The following DHDH variants were observed in gnomAD, a reference collection of about 807,000 sequenced individuals.
The protein encoded by DHDH is trans-1,2-dihydrobenzene-1,2-diol dehydrogenase.
Under a neutral mutation model 33.2 loss-of-function variants are expected in DHDH, and 29 were observed. The observed-to-expected ratio is 0.87, with a 90% CI of 0.65 to 1.19. The LOEUF is 1.19. Among genes scored for constraint, DHDH ranks in the 50% most tolerant of loss-of-function variants. The pLI is 0.00. For synonymous variants in DHDH, 201 were observed against 187.9 expected, an observed-to-expected ratio of 1.07 and a Z score of -0.57; for missense variants, 431 against 455.0, an observed-to-expected ratio of 0.95 and a Z score of 0.48.
chr19:48,934,209 G>C (rs1442173243), intron 1 of DHDH, among the ~76,000 whole-genome samples: 4 of 152,200 alleles, frequency 2.6e-5, no homozygotes, highest in Non-Finnish European at 5.9e-5. Context: ...CAGTATGCTT[G>C]GTAAAAGTCA....
chr19:48,940,718 G>A (rs563719012), intron 4 of DHDH, among the ~76,000 whole-genome samples: 66 of 152,242 alleles, frequency 4.3e-4, no homozygotes, highest in Middle Eastern at 3.4e-3. Context: ...TTAGTTGGGC[G>A]TGGTGGTGTG....
upstream of DHDH, chr19:48,933,554 G>A (rs999684765): frequency 1.1e-5 from 7 of 633,114 alleles, no homozygotes; most frequent in Admixed American, 5.4e-5. Context: ...CATTCGCCCA[G>A]CGGGGAAGCT....
At position 48,939,598 on chromosome 19, in the gene DHDH, G is replaced by A. The variant is rs143910604; in HGVS notation, c.516G>A (p.Gly172=). The A allele has an allele frequency of 7.3e-4, 1,180 of 1,614,056 alleles. 18 individuals carry two copies. In the South Asian group the frequency reaches 0.012, roughly 17 times the overall value. The change falls in exon 4 of 7, where the codon GGG becomes GGA. Residue 172 remains glycine (G), a synonymous_variant. Coordinates refer to ENST00000221403, the MANE Select transcript of DHDH (RefSeq NM_014475.4). ...CCGTAGACCGGGCCCAGGCTGGGGG[G>A]GCCCTGCTGGACATCGGCATCTACT... ...PRAVDRAQAG[G]ALLDIGIYCV... is the part of the protein sequence containing the mutation.
chr19:48,935,067 A>T lies in DHDH; in HGVS notation c.158A>T (p.Lys53Met). ...KEFAQKHDIPKAYGSYEELAK... is the reference protein window; with the variant it reads ...KEFAQKHDIPMAYGSYEELAK... ...TTTGCACAGAAACACGACATCCCCA[A>T]GGCCTACGGCTCCTATGAGGAGCTG... Residue 53 changes from lysine (K) to methionine (M), a missense_variant, in exon 2 of 7, where the codon AAG (lysine) becomes ATG (methionine). Physicochemically the swap from Lys to Met is moderately conservative, Grantham distance 95 (BLOSUM62 -1). Coordinates refer to ENST00000221403, the MANE Select transcript of DHDH (RefSeq NM_014475.4). The T allele has an allele frequency of 6.3e-7, 1 of 1,592,516 alleles. No individual in the cohort carries two copies. Among genetic ancestry groups the T allele is most frequent in the Admixed American group, 1.8e-5 (1 of 57,110 alleles).
chr19:48,936,711 C>CAAAAAA (rs201495339), intron 3 of DHDH, among the ~76,000 whole-genome samples: 1 of 87,442 alleles, frequency 1.1e-5, no homozygotes, highest in Non-Finnish European at 2.9e-5. Context: ...AGAAAAAAAA[C>CAAAAAA]AAACAAAAAA....
intron 3 of DHDH, among the ~76,000 whole-genome samples, chr19:48,937,579 G>A (rs1041575962): frequency 1.3e-5 from 2 of 151,546 alleles, no homozygotes; most frequent in Non-Finnish European, 2.9e-5. Context: ...TCGAGAGGCA[G>A]AGGCGGGCGG....
At chr19:48,944,532 C>T (rs376282716) in intron 6 of DHDH, 25 bp downstream of exon 6, 32 of 1,567,262 alleles carry the variant, frequency 2.0e-5, no homozygotes, top group Admixed American at 3.6e-5. Flanking sequence ...GCGGGGCAGG[C>T]GCCAGGCCTG....
At chr19:48,933,615 C>A, upstream of DHDH, 1 of 1,010,688 alleles carries the variant, frequency 9.9e-7, no homozygotes, top group South Asian at 1.3e-5. Flanking sequence ...TCGGCGTAGG[C>A]GCAATACGGG....
intron 3 of DHDH, among the ~76,000 whole-genome samples, chr19:48,937,341 C>T (rs967194089): frequency 2.0e-5 from 3 of 152,086 alleles, no homozygotes; most frequent in African/African-American, 7.2e-5. Flanking sequence ...CCCCGCCCTT[C>T]CCCCGTGAGC....
chr19:48,942,315 C>A, intron 4 of DHDH, 125 bp from the exon 5 acceptor site: 3 of 1,127,122 alleles, frequency 2.7e-6, no homozygotes, highest in Non-Finnish European at 3.6e-6. Context: ...GCACTTCATT[C>A]TTTTGCCTTG....
At chr19:48,941,504 C>T (rs563932835) in intron 4 of DHDH, among the ~76,000 whole-genome samples, 1 of 152,178 alleles carries the variant, frequency 6.6e-6, no homozygotes, top group South Asian at 2.1e-4. Context: ...CCGTAAGACC[C>T]CCAAGTAGCT....
In DHDH at chr19:48,944,391, T is replaced by C. The variant is rs759727648; in HGVS notation, c.779T>C (p.Val260Ala). 1 of 1,613,966 alleles carries C rather than the reference T, an allele frequency of 6.2e-7. No homozygotes were observed. The highest frequency in any genetic ancestry group is 8.5e-7 in the Non-Finnish European group (1 of 1,179,952). Reference protein sequence around the residue: ...LNPCWCPTELVVKGEHKEFPL... With the variant: ...LNPCWCPTELAVKGEHKEFPL... The stretch of plus-strand genomic sequence containing the variant: ...CCCTGCTGGTGCCCGACCGAGCTGG[T>C]GGTGAAGGGGGAGCATAAGGAGTTC... Residue 260 changes from valine to alanine, a missense_variant, in exon 6 of 7, where the codon GTG becomes GCG. By Grantham distance (64) the Val-to-Ala change is moderately conservative (BLOSUM62 0). Transcript: ENST00000221403.
Position 48,944,418 on chromosome 19 carries a change from C to A in DHDH, c.806C>A (p.Pro269Gln), listed in dbSNP as rs754384756. 11 of 1,614,012 alleles carry A rather than the reference C, an allele frequency of 6.8e-6. No homozygotes were observed. The African/African-American group carries it at 8.0e-5, about 12-fold the overall frequency. The change falls in exon 6 of 7, where the codon CCG becomes CAG. Residue 269 changes from proline to glutamine, a missense_variant. Physicochemically the swap from Pro to Gln is moderately conservative, Grantham distance 76. Coordinates refer to ENST00000221403, the MANE Select transcript of DHDH (RefSeq NM_014475.4). The part of the protein sequence containing the change: ...LVVKGEHKEF[P>Q]LPPVPKDCNF... ...GTGAAGGGGGAGCATAAGGAGTTCCCGCTGCCCCCAGTCCCAAAGGACTGC... is the reference window on the plus strand; with the variant it reads ...GTGAAGGGGGAGCATAAGGAGTTCCAGCTGCCCCCAGTCCCAAAGGACTGC...
chr19:48,935,250 T>TATAA, intron 2 of DHDH, 139 bp downstream of exon 2: 1 of 620,846 alleles, frequency 1.6e-6, no homozygotes, highest in Non-Finnish European at 2.5e-6. Flanking sequence ...GGAGGAGAAC[T>TATAA]ATAAAACGGG....
intron 2 of DHDH, 80 bp downstream of exon 2, chr19:48,935,191 C>A: frequency 1.8e-6 from 2 of 1,135,270 alleles, no homozygotes; most frequent in South Asian, 1.6e-5. Flanking sequence ...AGATGCAAGG[C>A]TCCTCAGGAT....
At chr19:48,940,847 C>A (rs1346343693) in intron 4 of DHDH, among the ~76,000 whole-genome samples, 1 of 152,112 alleles carries the variant, frequency 6.6e-6, no homozygotes, top group Non-Finnish European at 1.5e-5. Context: ...CAGAGCCAGA[C>A]CCTGTCTCCT....
At chr19:48,933,545 A>T (rs529876230), upstream of DHDH, 278 of 621,814 alleles carry the variant, frequency 4.5e-4, 2 homozygotes, top group South Asian at 5.0e-3. Flanking sequence ...TAAACGGTGC[A>T]TTCGCCCAGC....
intron 3 of DHDH, among the ~76,000 whole-genome samples, chr19:48,939,062 T>TGTTTGGCA (rs1182713874): frequency 6.6e-6 from 1 of 152,072 alleles, no homozygotes; most frequent in East Asian, 1.9e-4. Context: ...ACGTGAATTG[T>TGTTTGGCA]GTTTGGCAGG....
At chr19:48,941,916 T>C (rs1280249195) in intron 4 of DHDH, among the ~76,000 whole-genome samples, 5 of 151,784 alleles carry the variant, frequency 3.3e-5, no homozygotes, top group Admixed American at 3.3e-4. Context: ...CAAGGGATCC[T>C]CCTGCCTCCA....
Sources: gnomAD v4.1 joint callset for allele counts (sites outside exome capture counted in the v4.1 genomes callset) on GRCh38, gnomAD v4.1.1 for gene constraint, MANE v1.5 for transcripts, NCBI Gene and HGNC (gene_info 2026-07-23, HGNC 2026-07-21) for gene names.